ITSN2: variants seen among roughly 807,000 people sequenced by gnomAD.
The protein encoded by ITSN2 is intersectin 2.
In ITSN2, 156 loss-of-function variants were observed where a neutral mutation model predicts 243.7. The observed-to-expected ratio is 0.64, with a 90% CI of 0.56 to 0.73. The LOEUF (loss-of-function observed/expected upper bound fraction) is 0.73, where lower values mean the gene tolerates loss of function less well. ITSN2 is among the 30% of genes least tolerant of loss of function. The pLI is 0.00. For synonymous variants in ITSN2, 703 were observed against 699.9 expected (o/e 1.00, Z -0.07); for missense variants, 1,801 against 1,996.1 (o/e 0.90, Z 1.86).
intron 29 of ITSN2, among the ~76,000 whole-genome samples, chr2:24,235,840 T>C (rs1406353881): frequency 1.3e-5 from 2 of 152,054 alleles, no homozygotes; most frequent in Non-Finnish European, 2.9e-5. Flanking sequence ...TGGATGGCTA[T>C]AATAAAAGTC....
intron 1 of ITSN2, among the ~76,000 whole-genome samples, chr2:24,354,775 C>T (rs149407337): frequency 3.2e-4 from 48 of 152,198 alleles, no homozygotes; most frequent in South Asian, 1.7e-3. Flanking sequence ...AAAATGAATA[C>T]GCATTCGTGA....
rs1668693504 is a variant in ITSN2, at chr2:24,204,815, G to A, written c.4763-397C>T. ...GTGGCACTGGACACACTGTTAGAAAGCATTCCTTTATTCAGTGTTCAGAAG... is the reference window on the plus strand; with the variant it reads ...GTGGCACTGGACACACTGTTAGAAAACATTCCTTTATTCAGTGTTCAGAAG... On this transcript the variant is annotated intron_variant, in intron 38 of 39. Coordinates refer to ENST00000355123, the MANE Select transcript of ITSN2 (RefSeq NM_006277.3). The surrounding 1 kb of genome is among the most constrained non-coding windows in gnomAD (Gnocchi z 5.1). 1 of 454,160 alleles carries A rather than the reference G, an allele frequency of 2.2e-6. No individual in the cohort carries two copies. Among genetic ancestry groups the A allele is most frequent in the African/African-American group, 2.0e-5 (1 of 50,450 alleles). The allele number at this position is 454,160 out of a possible 1,614,324, so 28.1% of individuals were successfully genotyped here.
chr2:24,246,636 T>C (rs1673407082), intron 28 of ITSN2, among the ~76,000 whole-genome samples, 161 bp downstream of exon 28: 1 of 152,218 alleles, frequency 6.6e-6, no homozygotes. Context: ...GTTCCTACAC[T>C]GAACTTTTCA....
chr2:24,296,689 GA>G (rs1022486338), intron 13 of ITSN2, among the ~76,000 whole-genome samples: 1 of 152,176 alleles, frequency 6.6e-6, no homozygotes, highest in Non-Finnish European at 1.5e-5. Context: ...TAGGAGCTGT[GA>G]AAAAATTAAT....
chr2:24,225,666 T>C lies in ITSN2; in HGVS notation c.3578-4600A>G, dbSNP rs1670960288. On this transcript the variant is annotated intron_variant, in intron 29 of 39. Coordinates refer to ENST00000355123, the MANE Select transcript of ITSN2 (RefSeq NM_006277.3). The surrounding 1 kb of genome is among the most constrained non-coding windows in gnomAD (Gnocchi z 4.2). ...TGCCAAAATAGGCTCCTGATGCTCC[T>C]GTCCTGTGCGGTCAGATGAATCCAG... is the stretch of plus-strand genomic sequence containing the variant. Among the ~76,000 whole-genome samples, 1 of 152,202 alleles carries C rather than the reference T, an allele frequency of 6.6e-6. No individual in the cohort carries two copies. The highest frequency in any genetic ancestry group is 6.5e-5 in the Admixed American group (1 of 15,282).
Position 24,303,783 on chromosome 2 carries a change from T to C in ITSN2, c.857+16A>G, listed in dbSNP as rs774218847. The stretch of plus-strand genomic sequence containing the variant: ...CATAGTTAAATTAATCAAATGTAAT[T>C]AAGGGACAAACTTACCAAATAGTAG... On this transcript the variant is annotated intron_variant, in intron 9 of 39. Coordinates refer to ENST00000355123, the MANE Select transcript of ITSN2 (RefSeq NM_006277.3). 4.0e-6 allele frequency: 6 copies of C among 1,505,002 alleles called. No homozygotes were observed. In the Admixed American group the frequency reaches 1.0e-4, roughly 25 times the overall value. The allele number at this position is 1,505,002 out of a possible 1,614,324, so 93.2% of individuals were successfully genotyped here.
At chr2:24,267,808 C>T (rs1676857733) in intron 20 of ITSN2, among the ~76,000 whole-genome samples, 1 of 152,174 alleles carries the variant, frequency 6.6e-6, no homozygotes, top group Non-Finnish European at 1.5e-5. Context: ...ACTCCTGCCT[C>T]GGCCTCTCAA....
intron 37 of ITSN2, 75 bp from the exon 38 acceptor site, chr2:24,205,372 C>T: frequency 8.0e-7 from 1 of 1,253,288 alleles, no homozygotes; most frequent in Non-Finnish European, 1.2e-6. Context: ...CCAACCATAA[C>T]ACTACCGGCT....
At chr2:24,216,365 C>A (rs1669953403) in intron 31 of ITSN2, 133 bp from the exon 32 acceptor site, 2 of 693,656 alleles carry the variant, frequency 2.9e-6, no homozygotes, top group African/African-American at 1.9e-5. Context: ...GGAAGGAGAA[C>A]TCAAGAGGAA....
At chr2:24,233,035 A>G (rs1336092616) in intron 29 of ITSN2, among the ~76,000 whole-genome samples, 1 of 152,222 alleles carries the variant, frequency 6.6e-6, no homozygotes, top group East Asian at 1.9e-4. Context: ...CTACTCTGTC[A>G]CACACACAAT....
chr2:24,308,521 G>T, intron 8 of ITSN2, 96 bp downstream of exon 8: 2 of 759,044 alleles, frequency 2.6e-6, no homozygotes, highest in Non-Finnish European at 3.8e-6. Flanking sequence ...TAAAATGTCA[G>T]ATGAGCTACA....
chr2:24,339,040 C>T (rs577725695), intron 1 of ITSN2, among the ~76,000 whole-genome samples: 1 of 152,010 alleles, frequency 6.6e-6, no homozygotes, highest in African/African-American at 2.4e-5. Context: ...CAGATAGGCT[C>T]TGTTATAAAG....
chr2:24,325,934 C>T (rs1199758201), intron 2 of ITSN2, among the ~76,000 whole-genome samples: 2 of 151,810 alleles, frequency 1.3e-5, no homozygotes, highest in East Asian at 3.8e-4. Flanking sequence ...TACATACACA[C>T]ACACACATAC....
rs746494746 is a variant in ITSN2 at position 24,221,078 on chromosome 2, A to G, written c.3578-12T>C. 9 of 1,598,590 alleles carry G rather than the reference A, an allele frequency of 5.6e-6. No homozygotes were observed. The South Asian group carries it at 8.0e-5, about 14-fold the overall frequency. On this transcript the variant is annotated splice_polypyrimidine_tract_variant and intron_variant, in intron 29 of 39. Transcript: ENST00000355123. ...CAGATCAGCACACCCTGTGGAAAAAACAGGGTAGTTTAAAATATTACTTTA... is the reference window on the plus strand; with the variant it reads ...CAGATCAGCACACCCTGTGGAAAAAGCAGGGTAGTTTAAAATATTACTTTA...
rs575769002 is a variant in ITSN2 at position 24,283,811 on chromosome 2, C to G, written c.1944+952G>C. ...AAGAATCAGACTCTGTGAGGGAGAA[C>G]AGTCCACAAATCATCATTAAACTTC... On this transcript the variant is annotated intron_variant, in intron 17 of 39. Coordinates refer to ENST00000355123, the MANE Select transcript of ITSN2 (RefSeq NM_006277.3). 1.0e-3 allele frequency among the ~76,000 whole-genome samples: 152 copies of G among 152,334 alleles called. 1 individual carries two copies. Among genetic ancestry groups the G allele is most frequent in the African/African-American group, 3.5e-3 (146 of 41,572 alleles).
intron 1 of ITSN2, among the ~76,000 whole-genome samples, chr2:24,335,695 A>T (rs1291556473): frequency 4.8e-4 from 3 of 6,204 alleles, no homozygotes; most frequent in Non-Finnish European, 4.0e-3. Context: ...GCTGGAGTGC[A>T]GTGCGCCATC....
chr2:24,263,885 T>C (rs1038621652), intron 20 of ITSN2, among the ~76,000 whole-genome samples: 4 of 152,220 alleles, frequency 2.6e-5, no homozygotes, highest in Non-Finnish European at 5.9e-5. Flanking sequence ...CATACGGACA[T>C]ATGTTTTCAA....
Position 24,225,258 on chromosome 2 carries a change from G to A in ITSN2, c.3578-4192C>T, listed in dbSNP as rs988136886. On this transcript the variant is annotated intron_variant, in intron 29 of 39. Transcript: ENST00000355123. The surrounding 1 kb of genome is among the most constrained non-coding windows in gnomAD (Gnocchi z 4.2). ...CCCACTGTTTGAAACCAACCAACAA[G>A]CACACTTCTCCAACCCTGCCCCCTC... 2.0e-5 allele frequency among the ~76,000 whole-genome samples: 3 copies of A among 151,992 alleles called. No homozygotes were observed. The highest frequency in any genetic ancestry group is 7.3e-5 in the African/African-American group (3 of 41,328).
At chr2:24,288,588 T>C (rs1016978528) in intron 15 of ITSN2, among the ~76,000 whole-genome samples, 22 of 152,170 alleles carry the variant, frequency 1.4e-4, no homozygotes, top group African/African-American at 5.3e-4. Flanking sequence ...GCATGTTGTT[T>C]TGAAATATGT....
Sources: gnomAD v4.1 joint callset for allele counts (sites outside exome capture counted in the v4.1 genomes callset) on GRCh38, gnomAD v4.1.1 for gene constraint, Gnocchi (gnomAD v3.1) non-coding constraint, MANE v1.5 for transcripts, NCBI Gene and HGNC (gene_info 2026-07-23, HGNC 2026-07-21) for gene names.